PRH1: variants seen among roughly 807,000 people sequenced by gnomAD.
The protein encoded by PRH1 is proline rich protein HaeIII subfamily 1, also known as salivary acidic proline-rich phosphoprotein 1/2.
A neutral mutation model predicts 7.9 loss-of-function variants in PRH1; 7 were observed. The observed-to-expected ratio is 0.89, with a 90% CI of 0.50 to 1.67. The LOEUF is 1.67. Ranked by LOEUF, PRH1 falls within the 40% of genes most tolerant of loss-of-function variation. PRH1 has a pLI of 0.00. For missense variants in PRH1, 109 were observed against 223.6 expected (o/e 0.49, Z 3.27); for synonymous variants, 45 against 80.8 (o/e 0.56, Z 2.38).
chr12:11,071,852 A>G (rs1329355132), intron 1 of PRH1, among the ~76,000 whole-genome samples: 6 of 152,186 alleles, frequency 3.9e-5, no homozygotes, highest in Non-Finnish European at 8.8e-5. Flanking sequence ...AGCTTGCAGG[A>G]GGACCCTCTA....
chr12:10,962,636 C>T (rs1310123062), intron 2 of PRH1, among the ~76,000 whole-genome samples: 1 of 152,236 alleles, frequency 6.6e-6, no homozygotes, highest in Admixed American at 6.5e-5. Flanking sequence ...TGGTTCACCA[C>T]CCCAAGACAT....
chr12:10,889,128 A>C (rs563870557), upstream of PRH1, among the ~76,000 whole-genome samples: 20 of 152,260 alleles, frequency 1.3e-4, no homozygotes, highest in East Asian at 3.7e-3. Context: ...ATGTTCCACA[A>C]ATTTCTCTTC....
Position 10,884,160 on chromosome 12 carries a change from T to G in PRH1, c.58A>C (p.Asn20His). ...TTCCCCCAATTCATCTTACCTTCAT[T>G]TAAATCCTGAGCTGAGCTGAAGGCC... Reference protein sequence around the residue: ...LLAFSSAQDLNEDVSQEDVPL... With the variant: ...LLAFSSAQDLHEDVSQEDVPL... Residue 20 changes from asparagine to histidine, a missense_variant, in exon 1 of 4, where the codon AAT becomes CAT. Physicochemically the swap from Asn to His is moderately conservative, Grantham distance 68 (BLOSUM62 1). This residue lies in a region of PRH1 where 60 missense variants were observed against 76.5 expected (regional missense o/e 0.78). Coordinates refer to ENST00000543626, the MANE Select transcript of PRH1 (RefSeq NM_001393989.1). 2 of 1,614,116 alleles carry G rather than the reference T, an allele frequency of 1.2e-6. No individual in the cohort carries two copies. Among genetic ancestry groups the G allele is most frequent in the Non-Finnish European group, 1.7e-6 (2 of 1,180,000 alleles).
chr12:11,084,069 T>A (rs79200101), intron 1 of PRH1, among the ~76,000 whole-genome samples: 4,857 of 74,748 alleles, frequency 0.065, 251 homozygotes, highest in Non-Finnish European at 0.09. Flanking sequence ...GTTTAAGTCT[T>A]AGCCAATCAG....
intron 1 of PRH1, among the ~76,000 whole-genome samples, chr12:11,128,745 A>G (rs902311333): frequency 5.8e-4 from 88 of 152,360 alleles, no homozygotes; most frequent in African/African-American, 2.1e-3. Context: ...ACTCCGTATC[A>G]AAATAACAAC....
intron 1 of PRH1, among the ~76,000 whole-genome samples, chr12:11,115,258 A>G (rs1945698940): frequency 6.6e-6 from 1 of 152,182 alleles, no homozygotes; most frequent in Non-Finnish European, 1.5e-5. Context: ...TACCTATACA[A>G]GTATTAGACA....
At chr12:11,143,512 C>G (rs1946768057) in intron 1 of PRH1, among the ~76,000 whole-genome samples, 2 of 152,038 alleles carry the variant, frequency 1.3e-5, no homozygotes, top group Non-Finnish European at 2.9e-5. Context: ...GTCCTTACTA[C>G]CAATAATAAC....
chr12:10,931,806 T>G (rs1386464387), intron 2 of PRH1, among the ~76,000 whole-genome samples: 1 of 152,230 alleles, frequency 6.6e-6, no homozygotes, highest in Non-Finnish European at 1.5e-5. Context: ...ATCTCTTCAG[T>G]GTTTATTGGT....
intron 2 of PRH1, among the ~76,000 whole-genome samples, chr12:10,963,820 AT>A (rs1938371907): frequency 6.6e-6 from 1 of 152,194 alleles, no homozygotes; most frequent in Admixed American, 6.5e-5. Flanking sequence ...TCATCCTTGA[AT>A]TTTATTTTGT....
chr12:11,080,134 AT>A (rs1406276481), intron 1 of PRH1, among the ~76,000 whole-genome samples: 1 of 118,074 alleles, frequency 8.5e-6, no homozygotes, highest in Non-Finnish European at 2.0e-5. Context: ...ATTTATGATC[AT>A]CTTTTTTTAA....
chr12:10,946,111 G>C (rs1346034489), intron 2 of PRH1, among the ~76,000 whole-genome samples: 1 of 152,132 alleles, frequency 6.6e-6, no homozygotes, highest in African/African-American at 2.4e-5. Flanking sequence ...ATCCTCCTCA[G>C]CTTATGAAGA....
chr12:11,119,870 C>T (rs144718345), downstream of PRH1, among the ~76,000 whole-genome samples: 4 of 152,208 alleles, frequency 2.6e-5, no homozygotes, highest in African/African-American at 9.6e-5. Flanking sequence ...TCACCAATCA[C>T]GGGTTATATA....
intron 1 of PRH1, among the ~76,000 whole-genome samples, chr12:11,029,059 C>T (rs757312674): frequency 6.6e-6 from 1 of 152,276 alleles, no homozygotes; most frequent in Non-Finnish European, 1.5e-5. Context: ...CAACAGAAAG[C>T]AAGACAGACA....
intron 1 of PRH1, among the ~76,000 whole-genome samples, chr12:11,098,565 T>C (rs1945131879): frequency 6.6e-6 from 1 of 152,224 alleles, no homozygotes; most frequent in Non-Finnish European, 1.5e-5. Flanking sequence ...GCAACTTCAG[T>C]TGTTTGGGAA....
intron 2 of PRH1, among the ~76,000 whole-genome samples, chr12:10,939,551 G>GTTTT (rs60186756): frequency 8.1e-5 from 10 of 123,310 alleles, no homozygotes; most frequent in South Asian, 2.6e-4. Context: ...TGGTTTGTGT[G>GTTTT]TTTTTTTTTT....
intron 2 of PRH1, among the ~76,000 whole-genome samples, chr12:10,906,783 A>T (rs975192608): frequency 1.3e-5 from 2 of 152,118 alleles, no homozygotes; most frequent in East Asian, 3.8e-4. Context: ...AGTCAATTAA[A>T]CCTCTTTTTC....
At chr12:11,085,734 T>A (rs528641827) in intron 1 of PRH1, among the ~76,000 whole-genome samples, 1 of 116,916 alleles carries the variant, frequency 8.6e-6, no homozygotes, top group South Asian at 2.3e-4. Flanking sequence ...GAAACCTGAA[T>A]TCTCAATTCC....
intron 1 of PRH1, chr12:10,996,867 A>C: frequency 7.1e-7 from 1 of 1,407,810 alleles, no homozygotes; most frequent in Non-Finnish European, 9.5e-7. Context: ...CTACGGAAAA[A>C]CTTGTGGGAA....
At chr12:11,010,289 T>C (rs1261935806) in intron 1 of PRH1, among the ~76,000 whole-genome samples, 1 of 151,998 alleles carries the variant, frequency 6.6e-6, no homozygotes, top group Non-Finnish European at 1.5e-5. Flanking sequence ...TTTAATGAGA[T>C]AGGTGTAGAT....
Sources: gnomAD v4.1 joint callset for allele counts (sites outside exome capture counted in the v4.1 genomes callset) on GRCh38, gnomAD v4.1.1 for gene constraint, gnomAD v4.1.1 regional missense constraint, MANE v1.5 for transcripts, NCBI Gene and HGNC (gene_info 2026-07-23, HGNC 2026-07-21) for gene names.